The following EFCC1 variants were observed in gnomAD, a reference collection of about 807,000 sequenced individuals.
The protein encoded by EFCC1 is EF-hand and coiled-coil domain containing 1, also known as EF-hand and coiled-coil domain-containing protein 1.
EFCC1 carries 50 observed loss-of-function variants against 52.1 expected under a neutral mutation model. That is an observed-to-expected ratio of 0.96 (90% confidence interval 0.76 to 1.21). The LOEUF is 1.21. Among genes scored for constraint, EFCC1 ranks in the 50% most tolerant of loss-of-function variants. The probability of loss-of-function intolerance (pLI) is 0.00; values close to 1 mark genes in which losing one functional copy is unlikely to be tolerated. For missense variants in EFCC1, 837 were observed against 867.3 expected, an observed-to-expected ratio of 0.97 and a Z score of 0.44; for synonymous variants, 399 against 396.5, an observed-to-expected ratio of 1.01 and a Z score of -0.08.
rs376060864 is a variant in EFCC1, at chr3:129,007,708, C to T, written c.980+3631C>T. Among the ~76,000 whole-genome samples, 27 of 152,288 alleles carry T rather than the reference C, an allele frequency of 1.8e-4. 1 individual carries two copies. In the East Asian group the frequency reaches 4.8e-3, roughly 27 times the overall value. ...CCCAAACTCAGCTGAATTTAGACTGCGTTGAATTTCCTAACTTTGAGTCAA... is the reference window on the plus strand; with the variant it reads ...CCCAAACTCAGCTGAATTTAGACTGTGTTGAATTTCCTAACTTTGAGTCAA... On this transcript the variant is annotated intron_variant, in intron 2 of 7. Coordinates refer to ENST00000683648, the MANE Select transcript of EFCC1 (RefSeq NM_001377500.1).
intron 2 of EFCC1, 83 bp from the exon 3 acceptor site, chr3:129,030,620 T>C (rs1397078261): frequency 4.1e-6 from 6 of 1,445,840 alleles, no homozygotes; most frequent in Admixed American, 2.3e-5. Flanking sequence ...TGGGTGTTCA[T>C]AGACAGCTTG....
chr3:129,011,379 C>T (rs892802541), intron 2 of EFCC1, among the ~76,000 whole-genome samples: 6 of 151,996 alleles, frequency 3.9e-5, no homozygotes, highest in Admixed American at 2.6e-4. Context: ...GGTGAAACCC[C>T]GTCTCTACTA....
intron 2 of EFCC1, among the ~76,000 whole-genome samples, chr3:129,011,550 C>CAAAAAAAAA (rs1201411639): frequency 3.2e-5 from 3 of 93,484 alleles, no homozygotes; most frequent in African/African-American, 1.1e-4. Flanking sequence ...GACTCCGTCT[C>CAAAAAAAAA]AAAAAAAAAA....
In EFCC1 at chr3:129,040,102, C is replaced by T; in HGVS notation, c.*254C>T. On this transcript the variant is annotated 3_prime_UTR_variant, in exon 8 of 8. Transcript: ENST00000683648. The surrounding 1 kb of genome is among the most constrained non-coding windows in gnomAD (Gnocchi z 4.4). ...CTGCCACCAGAGTCCACATTAAAGC[C>T]CTGCAGTTGCTGGATCAGCCTGCAC... 1 of 450,226 alleles carries T rather than the reference C, an allele frequency of 2.2e-6. No homozygotes were observed. The allele number at this position is 450,226 out of a possible 1,614,324, so 27.9% of individuals were successfully genotyped here.
rs766739403 is a variant in EFCC1 at position 129,039,767 on chromosome 3, C to T, written c.1719C>T (p.Ala573=). The stretch of plus-strand genomic sequence containing the variant: ...ATGCCCTGCACCAAGCCTTGGCTGC[C>T]TGCCAGCTGTTGCGGAGACAGCCCT... The part of the protein sequence containing the change: ...ILDALHQALA[A]CQLLRRQPSA... The change falls in exon 8 of 8, where the codon GCC becomes GCT. Residue 573 remains alanine, a synonymous_variant. Coordinates refer to ENST00000683648, the MANE Select transcript of EFCC1 (RefSeq NM_001377500.1). 1 of 1,612,262 alleles carries T rather than the reference C, an allele frequency of 6.2e-7. No individual in the cohort carries two copies.
intron 6 of EFCC1, 24 bp from the exon 7 acceptor site, chr3:129,038,807 G>A (rs1262434161): frequency 1.9e-6 from 3 of 1,612,494 alleles, no homozygotes; most frequent in African/African-American, 1.3e-5. Context: ...GTCTAATCCA[G>A]CCTTGTTTCC....
At chr3:129,030,522 C>A in intron 2 of EFCC1, 181 bp from the exon 3 acceptor site, 1 of 608,762 alleles carries the variant, frequency 1.6e-6, no homozygotes, top group Non-Finnish European at 2.4e-6. Flanking sequence ...GGTTCCATGC[C>A]TGTGCCCTAG....
At chr3:129,017,003 T>G (rs1945614092) in intron 2 of EFCC1, among the ~76,000 whole-genome samples, 2 of 152,198 alleles carry the variant, frequency 1.3e-5, no homozygotes, top group Non-Finnish European at 2.9e-5. Flanking sequence ...AGGACCTGAT[T>G]CATCTTCCAC....
intron 2 of EFCC1, among the ~76,000 whole-genome samples, chr3:129,028,895 C>G (rs559571313): frequency 6.6e-6 from 1 of 152,308 alleles, no homozygotes; most frequent in African/African-American, 2.4e-5. Flanking sequence ...CCCGCCTTGG[C>G]CTCCCAAAGT....
At chr3:129,023,581 C>G (rs1945963756) in intron 2 of EFCC1, among the ~76,000 whole-genome samples, 1 of 152,180 alleles carries the variant, frequency 6.6e-6, no homozygotes, top group African/African-American at 2.4e-5. Flanking sequence ...ATCCACCCGC[C>G]TCGGCCTCCC....
intron 2 of EFCC1, among the ~76,000 whole-genome samples, chr3:129,023,194 C>G (rs1045525678): frequency 5.9e-5 from 9 of 152,146 alleles, no homozygotes; most frequent in African/African-American, 2.2e-4. Flanking sequence ...GCTCAGCCTG[C>G]TATTTGTTAC....
chr3:129,034,302 G>A lies in EFCC1; in HGVS notation c.1425G>A (p.Gly475=). 1 of 1,614,046 alleles carries A rather than the reference G, an allele frequency of 6.2e-7. No individual in the cohort carries two copies. Among genetic ancestry groups the A allele is most frequent in the Non-Finnish European group, 8.5e-7 (1 of 1,180,012 alleles). The part of the protein sequence containing the change: ...VEQLRTQGCG[G]RTLGTSEEEA... ...AGCTGAGGACTCAGGGCTGCGGTGGGAGGACCCTGGGGACCTCTGAGGAGG... is the reference window on the plus strand; with the variant it reads ...AGCTGAGGACTCAGGGCTGCGGTGGAAGGACCCTGGGGACCTCTGAGGAGG... The change falls in exon 5 of 8, where the codon GGG becomes GGA. Residue 475 remains glycine (G), a synonymous_variant. Transcript: ENST00000683648.
intron 2 of EFCC1, among the ~76,000 whole-genome samples, chr3:129,028,765 C>G (rs909135400): frequency 6.6e-6 from 1 of 152,000 alleles, no homozygotes; most frequent in Admixed American, 6.6e-5. Context: ...GCCTTGGCCT[C>G]CCGAGTAGCT....
chr3:129,036,257 A>G (rs1332707413), intron 5 of EFCC1, among the ~76,000 whole-genome samples: 1 of 152,250 alleles, frequency 6.6e-6, no homozygotes, highest in Non-Finnish European at 1.5e-5. Context: ...TAAAGAGCAG[A>G]GGCACTGGGC....
At chr3:129,039,434 T>C (rs764118621) in intron 7 of EFCC1, among the ~76,000 whole-genome samples, 11 of 152,188 alleles carry the variant, frequency 7.2e-5, no homozygotes, top group Non-Finnish European at 1.5e-4. Flanking sequence ...CAAGAGCCCT[T>C]TGCTCGCTGT....
Position 129,004,042 on chromosome 3 carries a change from G to C in EFCC1, c.945G>C (p.Trp315Cys). Residue 315 changes from tryptophan to cysteine, a missense_variant, in exon 2 of 8, where the codon TGG becomes TGC. Trp to Cys is a radical substitution (Grantham distance 215). Transcript: ENST00000683648. ...AACAGGTGCCCGGCTTGCAGCGCTG[G>C]GTGCGGCGGCTGGAGGCGGAGCTGC... ...LAQQVPGLQR[W>C]VRRLEAELQR... 6.6e-7 allele frequency: 1 copy of C among 1,511,382 alleles called. No homozygotes were observed. The allele number at this position is 1,511,382 out of a possible 1,614,324, so 93.6% of individuals were successfully genotyped here.
rs577839158 is a variant in EFCC1, at chr3:129,027,287, G to A, written c.981-3416G>A. On this transcript the variant is annotated intron_variant, in intron 2 of 7. Coordinates refer to ENST00000683648, the MANE Select transcript of EFCC1 (RefSeq NM_001377500.1). ...CGGTGCTCGCAGCCGAGGTGCCGGC[G>A]GGGAGCTGGCCATGGGGAGGCGCTG... 1.5e-3 allele frequency among the ~76,000 whole-genome samples: 225 copies of A among 152,260 alleles called. 1 individual carries two copies. Among genetic ancestry groups the A allele is most frequent in the African/African-American group, 5.2e-3 (216 of 41,540 alleles).
At chr3:129,033,832 G>A (rs762796658) in intron 4 of EFCC1, among the ~76,000 whole-genome samples, 4 of 152,230 alleles carry the variant, frequency 2.6e-5, no homozygotes, top group Non-Finnish European at 5.9e-5. Flanking sequence ...CAATGCAGAT[G>A]CTGGGGGAAG....
At chr3:129,027,822 C>T (rs1946169668) in intron 2 of EFCC1, among the ~76,000 whole-genome samples, 1 of 151,904 alleles carries the variant, frequency 6.6e-6, no homozygotes, top group African/African-American at 2.4e-5. Flanking sequence ...GGCATGGTGG[C>T]GGGCGCCTGT....
Sources: gnomAD v4.1 joint callset for allele counts (sites outside exome capture counted in the v4.1 genomes callset) on GRCh38, gnomAD v4.1.1 for gene constraint, Gnocchi (gnomAD v3.1) non-coding constraint, MANE v1.5 for transcripts, NCBI Gene and HGNC (gene_info 2026-07-23, HGNC 2026-07-21) for gene names.